Variants in ADD2 observed in about 807,000 individuals in gnomAD.
ADD2 encodes beta-adducin.
A neutral mutation model predicts 83.0 loss-of-function variants in ADD2; 23 were observed. The observed-to-expected ratio is 0.28, with a 90% confidence interval of 0.20 to 0.39. ADD2 has a LOEUF of 0.39. Ranked by LOEUF, ADD2 falls within the 10% of genes least tolerant of loss-of-function variation. The pLI is 1.00. For missense variants in ADD2, 758 were observed against 944.9 expected (o/e 0.80, Z 2.59); for synonymous variants, 375 against 375.4 (o/e 1.00, Z 0.01).
At chr2:70,674,640 G>C (rs781857590) in intron 14 of ADD2, 38 bp downstream of exon 14, 5 of 1,595,894 alleles carry the variant, frequency 3.1e-6, no homozygotes, top group Non-Finnish European at 4.3e-6. Flanking sequence ...TCCACCCTGG[G>C]GGACTTGGAA....
intron 1 of ADD2, among the ~76,000 whole-genome samples, chr2:70,749,764 G>T (rs782435673): frequency 5.3e-5 from 8 of 152,128 alleles, no homozygotes; most frequent in Non-Finnish European, 7.4e-5. Flanking sequence ...AAACTTTCAG[G>T]ATAAAAAATA....
rs1670142530 is a variant in ADD2 at position 70,676,443 on chromosome 2, C to A, written c.1593+353G>T. ...CTCTCAGGGCTGGGCACACCTGGGG[C>A]ACCTGGGAGTCTCCAGCCCCAAGCC... is the stretch of plus-strand genomic sequence containing the variant. On this transcript the variant is annotated intron_variant, in intron 13 of 15. Coordinates refer to ENST00000264436, the MANE Select transcript of ADD2 (RefSeq NM_001617.4). The surrounding 1 kb of genome is among the most constrained non-coding windows in gnomAD (Gnocchi z 4.8). 1.6e-6 allele frequency: 2 copies of A among 1,235,442 alleles called. No individual in the cohort carries two copies. The highest frequency in any genetic ancestry group is 3.4e-5 in the East Asian group (1 of 29,068). The allele number at this position is 1,235,442 out of a possible 1,614,324, so 76.5% of individuals were successfully genotyped here.
intron 4 of ADD2, among the ~76,000 whole-genome samples, chr2:70,701,899 CAT>C (rs1671602585): frequency 6.6e-6 from 1 of 152,124 alleles, no homozygotes; most frequent in Non-Finnish European, 1.5e-5. Flanking sequence ...AAATAAAAGA[CAT>C]ATCTCATTTC....
At chr2:70,710,953 T>G (rs186413614) in intron 2 of ADD2, among the ~76,000 whole-genome samples, 5 of 152,244 alleles carry the variant, frequency 3.3e-5, no homozygotes, top group Admixed American at 6.5e-5. Flanking sequence ...AGGCTTGTGA[T>G]TCAATTATAA....
In ADD2 at chr2:70,767,953, G is replaced by C. The variant is rs990976395; in HGVS notation, c.-221C>G. On this transcript the variant is annotated 5_prime_UTR_variant, in exon 1 of 16. Transcript: ENST00000264436. ...GTTGGTTTTGTTATTTTATGGGTTTGGGGGGTGGGGTGCGCTTAAAAAATC... is the reference window on the plus strand; with the variant it reads ...GTTGGTTTTGTTATTTTATGGGTTTCGGGGGTGGGGTGCGCTTAAAAAATC... 34 of 1,535,514 alleles carry C rather than the reference G, an allele frequency of 2.2e-5. No homozygotes were observed. The East Asian group carries it at 5.9e-4, about 27-fold the overall frequency.
intron 1 of ADD2, among the ~76,000 whole-genome samples, chr2:70,733,497 A>G (rs1476053043): frequency 3.3e-5 from 5 of 152,218 alleles, no homozygotes; most frequent in Non-Finnish European, 7.3e-5. Flanking sequence ...TTGAGCCAAC[A>G]TCAGCTTATC....
chr2:70,693,201 T>C (rs1671138821), intron 6 of ADD2, among the ~76,000 whole-genome samples: 1 of 152,012 alleles, frequency 6.6e-6, no homozygotes, highest in Non-Finnish European at 1.5e-5. Flanking sequence ...TAAACAGAAC[T>C]CTCTCTCAAA....
chr2:70,762,852 C>T (rs894147356), intron 1 of ADD2, among the ~76,000 whole-genome samples: 1 of 151,096 alleles, frequency 6.6e-6, no homozygotes, highest in Non-Finnish European at 1.5e-5. Context: ...ATTAGAGGCG[C>T]CCACCACCAC....
At chr2:70,691,044 G>A in intron 7 of ADD2, 115 bp from the exon 8 acceptor site, 1 of 1,316,244 alleles carries the variant, frequency 7.6e-7, no homozygotes, top group Non-Finnish European at 1.0e-6. Context: ...AGGAGTGAGG[G>A]GTGAGGTTGG....
In ADD2 at chr2:70,659,685, A is replaced by G. The variant is rs1166600376; in HGVS notation, c.*3740T>C. ...GCCAGGAGGCTCTTAGGGAGTCCAG[A>G]TCTGGGCTAGAAGGTGTCTCTTTCT... On this transcript the variant is annotated 3_prime_UTR_variant, in exon 16 of 16. Coordinates refer to ENST00000264436, the MANE Select transcript of ADD2 (RefSeq NM_001617.4). 4 of 152,292 alleles carry G rather than the reference A, an allele frequency of 2.6e-5. No homozygotes were observed. The highest frequency in any genetic ancestry group is 4.4e-5 in the Non-Finnish European group (3 of 68,136). The allele number at this position is 152,292 out of a possible 1,614,324, so 9.4% of individuals were successfully genotyped here.
chr2:70,709,787 G>T (rs950068967), intron 2 of ADD2, among the ~76,000 whole-genome samples: 2 of 152,238 alleles, frequency 1.3e-5, no homozygotes, highest in African/African-American at 2.4e-5. Flanking sequence ...AGAAACATCT[G>T]CAAAGAACAC....
chr2:70,676,432 C>T lies in ADD2; in HGVS notation c.1593+364G>A. On this transcript the variant is annotated intron_variant, in intron 13 of 15. Transcript: ENST00000264436. The surrounding 1 kb of genome is among the most constrained non-coding windows in gnomAD (Gnocchi z 4.8). ...GAGGTCAGAGACTCTCAGGGCTGGG[C>T]ACACCTGGGGCACCTGGGAGTCTCC... The T allele has an allele frequency of 8.2e-7, 1 of 1,217,886 alleles. No individual in the cohort carries two copies. The highest frequency in any genetic ancestry group is 1.0e-6 in the Non-Finnish European group (1 of 973,942). 75.4% of individuals were successfully genotyped at this position (1,217,886 alleles called of 1,614,324 possible).
chr2:70,681,986 C>T (rs1369189764), intron 10 of ADD2, among the ~76,000 whole-genome samples: 1 of 152,090 alleles, frequency 6.6e-6, no homozygotes, highest in South Asian at 2.1e-4. Context: ...TCCCAAGGTG[C>T]TGAGATTACA....
intron 4 of ADD2, among the ~76,000 whole-genome samples, chr2:70,697,396 A>G (rs1671364891): frequency 1.3e-5 from 2 of 152,180 alleles, no homozygotes; most frequent in African/African-American, 2.4e-5. Context: ...TCTTGTCCTC[A>G]GGGCATGCAA....
At chr2:70,685,634 C>T (rs562829236) in intron 9 of ADD2, among the ~76,000 whole-genome samples, 12 of 152,328 alleles carry the variant, frequency 7.9e-5, no homozygotes, top group African/African-American at 2.4e-4. Flanking sequence ...GCAGAACCTA[C>T]CTTGTGAGAA....
chr2:70,711,343 T>A (rs1672165726), intron 2 of ADD2: 1 of 152,080 alleles, frequency 6.6e-6, no homozygotes, highest in South Asian at 2.1e-4. Flanking sequence ...AGGTGACCTA[T>A]GATAGGCCCT....
intron 1 of ADD2, among the ~76,000 whole-genome samples, chr2:70,714,034 C>T (rs1239684152): frequency 6.6e-6 from 1 of 151,978 alleles, no homozygotes; most frequent in East Asian, 1.9e-4. Flanking sequence ...CAGCTAATAC[C>T]TGGATAAAAG....
chr2:70,673,683 G>A (rs1328862294), intron 14 of ADD2, among the ~76,000 whole-genome samples: 2 of 152,046 alleles, frequency 1.3e-5, no homozygotes, highest in Admixed American at 6.5e-5. Context: ...TGTAACCTCC[G>A]CCTTCTGGGT....
At chr2:70,727,266 C>T (rs1477744671) in intron 1 of ADD2, among the ~76,000 whole-genome samples, 1 of 152,142 alleles carries the variant, frequency 6.6e-6, no homozygotes, top group Admixed American at 6.5e-5. Context: ...ACATGAAACG[C>T]TTACTCCAGA....
Sources: gnomAD v4.1 joint callset for allele counts (sites outside exome capture counted in the v4.1 genomes callset) on GRCh38, gnomAD v4.1.1 for gene constraint, Gnocchi (gnomAD v3.1) non-coding constraint, MANE v1.5 for transcripts, NCBI Gene and HGNC (gene_info 2026-07-23, HGNC 2026-07-21) for gene names.